AGL: variants seen among roughly 807,000 people sequenced by gnomAD.
AGL encodes the protein amylo-alpha-1,6-glucosidase and 4-alpha-glucanotransferase.
A neutral mutation model predicts 199.3 loss-of-function variants in AGL; 128 were observed. That is an observed-to-expected ratio of 0.64 (90% confidence interval 0.56 to 0.74). The LOEUF is 0.74. AGL is among the 30% of genes least tolerant of loss of function. The pLI, the probability that AGL is intolerant of heterozygous loss-of-function variation, is 0.00. For missense variants in AGL, 1,809 were observed against 1,820.8 expected, an observed-to-expected ratio of 0.99 and a Z score of 0.12; for synonymous variants, 584 against 594.7, an observed-to-expected ratio of 0.98 and a Z score of 0.26.
rs185122219 is a variant in AGL at position 99,891,884 on chromosome 1, C to T, written c.3083+145C>T. On this transcript the variant is annotated intron_variant, in intron 23 of 33. Transcript: ENST00000361915. ...TGTAGGTGGATAGTAAATTTATTAGCATCCTTTAGTCTGTGTAGCATACAA... is the reference window on the plus strand; with the variant it reads ...TGTAGGTGGATAGTAAATTTATTAGTATCCTTTAGTCTGTGTAGCATACAA... 3.3e-5 allele frequency: 30 copies of T among 909,208 alleles called. No homozygotes were observed. The Admixed American group carries it at 4.6e-4, about 14-fold the overall frequency. 56.3% of individuals were successfully genotyped at this position (909,208 alleles called of 1,614,324 possible).
intron 30 of AGL, among the ~76,000 whole-genome samples, 161 bp downstream of exon 30, chr1:99,913,899 GT>G (rs1358004571): frequency 1.3e-5 from 2 of 152,098 alleles, no homozygotes; most frequent in Non-Finnish European, 2.9e-5. Context: ...AGTATTATGC[GT>G]ATCACTTTTA....
intron 12 of AGL, among the ~76,000 whole-genome samples, chr1:99,878,385 T>A (rs1421294804): frequency 6.6e-6 from 1 of 151,892 alleles, no homozygotes; most frequent in Non-Finnish European, 1.5e-5. Context: ...AAATAAACAT[T>A]AACATTATAG....
chr1:99,874,483 C>G lies in AGL; in HGVS notation c.959-204C>G, dbSNP rs1240234472. Reference sequence around the variant, plus strand: ...TCTCTGTTTCTTTCTCCCCCACACCCCTCGTGTGTGTTTGCGCGTGCACGC... The same window carrying G: ...TCTCTGTTTCTTTCTCCCCCACACCGCTCGTGTGTGTTTGCGCGTGCACGC... On this transcript the variant is annotated intron_variant, in intron 7 of 33. Coordinates refer to ENST00000361915, the MANE Select transcript of AGL (RefSeq NM_000642.3). The G allele has an allele frequency of 2.3e-5, 13 of 556,022 alleles. No individual in the cohort carries two copies. The East Asian group carries it at 3.7e-4, about 16-fold the overall frequency. 34.4% of individuals were successfully genotyped at this position (556,022 alleles called of 1,614,324 possible).
chr1:99,852,558 T>G, intron 2 of AGL: 2 of 603,428 alleles, frequency 3.3e-6, no homozygotes, highest in Non-Finnish European at 2.9e-6. Context: ...TTTTTTTTTG[T>G]AGAAACTGGG....
rs1279212438 is a variant in AGL, at chr1:99,910,752, T to C, written c.3741T>C (p.Phe1247=). 6.2e-7 allele frequency: 1 copy of C among 1,611,558 alleles called. No individual in the cohort carries two copies. The highest frequency in any genetic ancestry group is 8.5e-7 in the Non-Finnish European group (1 of 1,178,030). ...CAGGAGTTGATGAAGAAACAGGATT[T>C]GTTTATGGAGGAAATCGTTTCAATT... ...ITAGVDEETG[F]VYGGNRFNCG... is the part of the protein sequence containing the mutation. The change falls in exon 28 of 34, where the codon TTT becomes TTC. Residue 1247 remains phenylalanine, a synonymous_variant. Transcript: ENST00000361915.
chr1:99,913,816 C>A, intron 30 of AGL, 78 bp downstream of exon 30: 1 of 1,368,194 alleles, frequency 7.3e-7, no homozygotes, highest in Non-Finnish European at 1.0e-6. Context: ...CATTTGTTTT[C>A]AAATTCACTT....
intron 12 of AGL, among the ~76,000 whole-genome samples, chr1:99,878,033 TTAAC>T (rs1357190272): frequency 5.3e-5 from 8 of 152,362 alleles, no homozygotes; most frequent in East Asian, 3.8e-4. Context: ...TATAAAATAT[TTAAC>T]TAGCTAATTT....
At position 99,881,666 on chromosome 1, in the gene AGL, G is replaced by A; in HGVS notation, c.2283G>A (p.Lys761=). The change falls in exon 17 of 34, where the codon AAG becomes AAA. Residue 761 remains lysine, a synonymous_variant. Coordinates refer to ENST00000361915, the MANE Select transcript of AGL (RefSeq NM_000642.3). The part of the protein sequence containing the change: ...FRNPKTSFYS[K]EVPQMCIPGK... The stretch of plus-strand genomic sequence containing the variant: ...ATCCCAAGACTTCATTTTACAGCAA[G>A]GAAGTGCCTCAAATGTGCATCCCTG... 1.2e-6 allele frequency: 2 copies of A among 1,613,874 alleles called. No individual in the cohort carries two copies. The highest frequency in any genetic ancestry group is 1.7e-5 in the Admixed American group (1 of 59,974).
rs754344992 is a variant in AGL, at chr1:99,902,792, A to T, written c.3698A>T (p.Glu1233Val). ...GPQIDRNMKDEGFNITAGVDE... is the reference protein window; with the variant it reads ...GPQIDRNMKDVGFNITAGVDE... ...CAGATAGATCGAAACATGAAGGACG[A>T]AGGTACAGAACTTTAACTAAAATAG... The change falls in exon 27 of 34, where the codon GAA becomes GTA. Residue 1233 changes from glutamate to valine, a missense_variant and splice_region_variant. Transcript: ENST00000361915. 2 of 1,608,520 alleles carry T rather than the reference A, an allele frequency of 1.2e-6. No individual in the cohort carries two copies. Among genetic ancestry groups the T allele is most frequent in the Admixed American group, 3.3e-5 (2 of 59,900 alleles).
rs184983509 is a variant in AGL, at chr1:99,923,261, T to C, written c.*1610T>C. The C allele has an allele frequency of 6.6e-4, 100 of 152,258 alleles. 1 individual carries two copies. Among genetic ancestry groups the C allele is most frequent in the Admixed American group, 5.2e-3 (80 of 15,266 alleles). 9.4% of individuals were successfully genotyped at this position (152,258 alleles called of 1,614,324 possible). ...CTTCCTTGTTCAATATATACCCTTC[T>C]CTAAACTGTGCGGGTAAAAGGAATG... is the stretch of plus-strand genomic sequence containing the variant. On this transcript the variant is annotated 3_prime_UTR_variant, in exon 34 of 34. Transcript: ENST00000361915.
At chr1:99,915,651 G>C (rs1193313270) in intron 31 of AGL, among the ~76,000 whole-genome samples, 165 bp downstream of exon 31, 1 of 151,344 alleles carries the variant, frequency 6.6e-6, no homozygotes, top group Non-Finnish European at 1.5e-5. Context: ...TACACCTGTA[G>C]TCCTAGCTAC....
intron 29 of AGL, among the ~76,000 whole-genome samples, chr1:99,912,796 T>C (rs915059411): frequency 7.2e-5 from 11 of 152,238 alleles, no homozygotes; most frequent in African/African-American, 2.7e-4. Flanking sequence ...CTGTGAGCAA[T>C]TTTGCAATCT....
At chr1:99,898,117 G>T (rs1441348046) in intron 25 of AGL, among the ~76,000 whole-genome samples, 1 of 149,184 alleles carries the variant, frequency 6.7e-6, no homozygotes, top group Admixed American at 6.8e-5. Flanking sequence ...CGCAATCTCC[G>T]CTCACTGCAA....
At chr1:99,871,868 T>A (rs1480346626) in intron 7 of AGL, among the ~76,000 whole-genome samples, 2 of 152,110 alleles carry the variant, frequency 1.3e-5, no homozygotes. Context: ...TATGACCTCT[T>A]CTTTCCCAAA....
At position 99,922,763 on chromosome 1, in the gene AGL, A is replaced by G. The variant is rs1456774734; in HGVS notation, c.*1112A>G. 1.3e-5 allele frequency: 2 copies of G among 152,076 alleles called. No individual in the cohort carries two copies. Among genetic ancestry groups the G allele is most frequent in the Non-Finnish European group, 2.9e-5 (2 of 67,922 alleles). The allele number at this position is 152,076 out of a possible 1,614,324, so 9.4% of individuals were successfully genotyped here. A position where few individuals can be genotyped will look rare whatever the true frequency, so the allele number is the denominator to read the frequency against. Reference sequence around the variant, plus strand: ...ACTGTTTTCTTAAGAAAACAGTTAAATCATTATGCATTCAGTTGGAAGAAA... The same window carrying G: ...ACTGTTTTCTTAAGAAAACAGTTAAGTCATTATGCATTCAGTTGGAAGAAA... On this transcript the variant is annotated 3_prime_UTR_variant, in exon 34 of 34. Transcript: ENST00000361915.
chr1:99,879,877 T>C (rs753606545), intron 12 of AGL, 46 bp from the exon 13 acceptor site: 2 of 1,528,676 alleles, frequency 1.3e-6, no homozygotes, highest in Non-Finnish European at 1.8e-6. Context: ...TGCTTTTCTC[T>C]TTCTGTTACA....
In AGL at chr1:99,881,437, G is replaced by T. The variant is rs751975324; in HGVS notation, c.2147G>T (p.Gly716Val). 1.9e-6 allele frequency: 3 copies of T among 1,613,934 alleles called. No homozygotes were observed. Among genetic ancestry groups the T allele is most frequent in the Non-Finnish European group, 1.7e-6 (2 of 1,179,980 alleles). ...CTTCATCAGGAGCTTGGAGCCAAGG[G>T]TTTTATTCAGGCAAGAAATAATTAA... is the stretch of plus-strand genomic sequence containing the variant. Reference protein sequence around the residue: ...SKLHQELGAKGFIQVYVDQVD... With the variant: ...SKLHQELGAKVFIQVYVDQVD... The change falls in exon 16 of 34, where the codon GGT becomes GTT. Residue 716 changes from glycine to valine, a missense_variant. By Grantham distance (109) the Gly-to-Val change is moderately radical (BLOSUM62 -3). Coordinates refer to ENST00000361915, the MANE Select transcript of AGL (RefSeq NM_000642.3).
intron 26 of AGL, among the ~76,000 whole-genome samples, chr1:99,902,013 A>G (rs969121831): frequency 6.6e-6 from 1 of 151,970 alleles, no homozygotes; most frequent in African/African-American, 2.4e-5. Flanking sequence ...TAATTTTTAT[A>G]ATTAATAGTA....
intron 19 of AGL, 54 bp from the exon 20 acceptor site, chr1:99,884,515 A>C (rs1393649386): frequency 6.2e-7 from 1 of 1,606,396 alleles, no homozygotes; most frequent in African/African-American, 1.3e-5. Context: ...ATATCCTGTT[A>C]AATTTGAATA....
Sources: gnomAD v4.1 joint callset for allele counts (sites outside exome capture counted in the v4.1 genomes callset) on GRCh38, gnomAD v4.1.1 for gene constraint, MANE v1.5 for transcripts, NCBI Gene and HGNC (gene_info 2026-07-23, HGNC 2026-07-21) for gene names.